The following PLXDC2 variants were observed in gnomAD, a reference collection of about 807,000 sequenced individuals.
The protein encoded by PLXDC2 is plexin domain-containing protein 2.
Under a neutral mutation model 68.9 loss-of-function variants are expected in PLXDC2, and 40 were observed. The ratio of observed to expected loss-of-function variants is 0.58; its 90% CI spans 0.45 to 0.76. PLXDC2 has a LOEUF of 0.76. PLXDC2 is among the 30% of genes least tolerant of loss of function. The pLI is 0.00. For missense variants in PLXDC2, 644 were observed against 661.9 expected, an observed-to-expected ratio of 0.97 and a Z score of 0.30; for synonymous variants, 243 against 234.2, an observed-to-expected ratio of 1.04 and a Z score of -0.34.
intron 3 of PLXDC2, among the ~76,000 whole-genome samples, chr10:20,065,933 G>T (rs927639803): frequency 2.0e-5 from 3 of 152,260 alleles, no homozygotes; most frequent in Non-Finnish European, 4.4e-5. Flanking sequence ...TGTGGCCTGG[G>T]AGTTGAGGCC....
intron 1 of PLXDC2, among the ~76,000 whole-genome samples, chr10:19,860,114 A>G (rs999555279): frequency 6.6e-6 from 1 of 152,176 alleles, no homozygotes; most frequent in Non-Finnish European, 1.5e-5. Flanking sequence ...GAGGGTGAGT[A>G]TAATCACACT....
intron 9 of PLXDC2, among the ~76,000 whole-genome samples, chr10:20,197,780 T>C (rs1834861211): frequency 6.6e-6 from 1 of 152,064 alleles, no homozygotes; most frequent in African/African-American, 2.4e-5. Context: ...CCGCTCAGCC[T>C]CCCAAGTAGC....
At chr10:19,873,413 T>G (rs888935759) in intron 1 of PLXDC2, among the ~76,000 whole-genome samples, 6 of 148,696 alleles carry the variant, frequency 4.0e-5, no homozygotes, top group African/African-American at 1.5e-4. Flanking sequence ...CGTCTTTTTT[T>G]TTTTTTTTTT....
chr10:19,857,567 G>T (rs1837238201), intron 1 of PLXDC2, among the ~76,000 whole-genome samples: 2 of 152,180 alleles, frequency 1.3e-5, no homozygotes, highest in African/African-American at 2.4e-5. Flanking sequence ...AGTGGCAATT[G>T]TCTGAAGGGT....
chr10:20,114,146 A>G (rs773347627), intron 4 of PLXDC2, among the ~76,000 whole-genome samples: 6 of 152,124 alleles, frequency 3.9e-5, no homozygotes, highest in South Asian at 2.1e-4. Context: ...AATAAAACAG[A>G]AAACAATTAG....
At chr10:19,849,498 A>G (rs780258656) in intron 1 of PLXDC2, among the ~76,000 whole-genome samples, 24 of 152,124 alleles carry the variant, frequency 1.6e-4, no homozygotes, top group Non-Finnish European at 3.1e-4. Flanking sequence ...AGGATATTAG[A>G]TTATGGGGGC....
At chr10:19,885,308 G>A (rs1192741073) in intron 1 of PLXDC2, among the ~76,000 whole-genome samples, 1 of 150,224 alleles carries the variant, frequency 6.7e-6, no homozygotes, top group Non-Finnish European at 1.5e-5. Context: ...TAGGTTGCCT[G>A]TTCACTCTGA....
chr10:19,962,560 T>G (rs1225603102), intron 1 of PLXDC2, among the ~76,000 whole-genome samples: 1 of 149,314 alleles, frequency 6.7e-6, no homozygotes, highest in Non-Finnish European at 1.5e-5. Context: ...CCGGCTAATT[T>G]TTTTGTATTT....
At chr10:19,856,973 G>A (rs1000353909) in intron 1 of PLXDC2, among the ~76,000 whole-genome samples, 2 of 152,144 alleles carry the variant, frequency 1.3e-5, no homozygotes, top group Non-Finnish European at 2.9e-5. Flanking sequence ...CTGAGTTTCT[G>A]CTGTGGCTCT....
At chr10:20,222,361 A>G (rs1194977114) in intron 12 of PLXDC2, among the ~76,000 whole-genome samples, 3 of 152,196 alleles carry the variant, frequency 2.0e-5, no homozygotes, top group Non-Finnish European at 2.9e-5. Context: ...GAGCAGCTGG[A>G]CACCTAAGTC....
intron 12 of PLXDC2, among the ~76,000 whole-genome samples, chr10:20,234,929 G>A (rs551133624): frequency 1.1e-4 from 16 of 152,178 alleles, no homozygotes; most frequent in South Asian, 2.1e-4. Flanking sequence ...TTTTATTAAC[G>A]TTATGCATAA....
At chr10:19,956,035 C>T (rs1322513533) in intron 1 of PLXDC2, among the ~76,000 whole-genome samples, 7 of 151,990 alleles carry the variant, frequency 4.6e-5, no homozygotes, top group South Asian at 2.1e-4. Flanking sequence ...GCCAAGACTG[C>T]GGCATTGCAC....
At chr10:20,089,162 G>C (rs954780646) in intron 4 of PLXDC2, among the ~76,000 whole-genome samples, 4 of 142,962 alleles carry the variant, frequency 2.8e-5, no homozygotes, top group African/African-American at 1.1e-4. Context: ...AAAAAAACCT[G>C]TATATACGTG....
At chr10:20,183,382 T>C (rs1224883927) in intron 9 of PLXDC2, among the ~76,000 whole-genome samples, 8 of 151,970 alleles carry the variant, frequency 5.3e-5, no homozygotes, top group Non-Finnish European at 1.2e-4. Flanking sequence ...AATTTTTCAT[T>C]ACATAGAATT....
chr10:19,978,602 C>T (rs1834497922), intron 1 of PLXDC2, among the ~76,000 whole-genome samples: 1 of 152,172 alleles, frequency 6.6e-6, no homozygotes, highest in South Asian at 2.1e-4. Context: ...CAGCAGAATT[C>T]AGTGTTACTA....
chr10:20,005,478 T>C (rs1057481198), intron 2 of PLXDC2, among the ~76,000 whole-genome samples: 1 of 152,098 alleles, frequency 6.6e-6, no homozygotes, highest in African/African-American at 2.4e-5. Flanking sequence ...ATTTTTGCCT[T>C]CCTATAAAGA....
intron 1 of PLXDC2, among the ~76,000 whole-genome samples, chr10:19,870,694 G>A (rs1187435785): frequency 6.6e-6 from 1 of 152,102 alleles, no homozygotes. Context: ...CCAAAGTGCT[G>A]GGATTACAGG....
At chr10:20,107,608 T>C (rs1389816636) in intron 4 of PLXDC2, among the ~76,000 whole-genome samples, 1 of 152,188 alleles carries the variant, frequency 6.6e-6, no homozygotes, top group Non-Finnish European at 1.5e-5. Flanking sequence ...CTTCATAGAC[T>C]GTCAGAATCT....
intron 1 of PLXDC2, among the ~76,000 whole-genome samples, chr10:19,854,342 C>T (rs1204160207): frequency 6.6e-6 from 1 of 152,154 alleles, no homozygotes; most frequent in Non-Finnish European, 1.5e-5. Flanking sequence ...CTATAGCAGA[C>T]AAAAGTCCTA....
Sources: allele counts gnomAD v4.1 joint callset (sites outside exome capture counted in the v4.1 genomes callset), GRCh38; gene constraint gnomAD v4.1.1; transcripts MANE v1.5; gene names NCBI Gene and HGNC (gene_info 2026-07-23, HGNC 2026-07-21).